Variants in ENOX1 observed in about 807,000 individuals in gnomAD.
ENOX1 encodes the protein ecto-NOX disulfide-thiol exchanger 1.
In ENOX1, 42 loss-of-function variants were observed where a neutral mutation model predicts 82.5. That is an observed-to-expected ratio of 0.51 (90% CI 0.40 to 0.66). ENOX1 has a LOEUF of 0.66. Ranked by LOEUF, ENOX1 falls within the 30% of genes least tolerant of loss-of-function variation. ENOX1 has a pLI of 0.00. For synonymous variants in ENOX1, 271 were observed against 282.2 expected, an observed-to-expected ratio of 0.96 and a Z score of 0.40; for missense variants, 608 against 811.6, an observed-to-expected ratio of 0.75 and a Z score of 3.05.
chr13:43,385,122 G>A (rs967188950), intron 5 of ENOX1, among the ~76,000 whole-genome samples: 3 of 152,106 alleles, frequency 2.0e-5, no homozygotes, highest in Non-Finnish European at 2.9e-5. Flanking sequence ...ATGCTTAAAT[G>A]AGTCCTTTTT....
chr13:43,394,867 GA>G (rs35693270), intron 5 of ENOX1: 150 of 145,334 alleles, frequency 1.0e-3, no homozygotes, highest in Middle Eastern at 3.5e-3. Flanking sequence ...ACCTTTACAG[GA>G]AAAAAAAAAA....
intron 5 of ENOX1, among the ~76,000 whole-genome samples, chr13:43,398,963 AT>A (rs992479906): frequency 2.2e-4 from 32 of 146,782 alleles, no homozygotes; most frequent in African/African-American, 7.3e-4. Flanking sequence ...GCCCCCACTA[AT>A]TTTTTTTTTC....
chr13:43,381,254 T>C (rs567212515), intron 5 of ENOX1, among the ~76,000 whole-genome samples: 6 of 151,554 alleles, frequency 4.0e-5, no homozygotes, highest in African/African-American at 1.5e-4. Flanking sequence ...ATGAAAAATA[T>C]CTAGAGAGTC....
At chr13:43,768,900 A>G (rs2153836875) in intron 1 of ENOX1, among the ~76,000 whole-genome samples, 1 of 152,248 alleles carries the variant, frequency 6.6e-6, no homozygotes, top group East Asian at 1.9e-4. Context: ...CTTATCATTT[A>G]CAATTATTAG....
At chr13:43,236,171 A>G (rs2042540310) in intron 15 of ENOX1, among the ~76,000 whole-genome samples, 2 of 152,112 alleles carry the variant, frequency 1.3e-5, no homozygotes, top group African/African-American at 4.8e-5. Flanking sequence ...TAGCATCAGT[A>G]CCCTGCATGG....
intron 1 of ENOX1, among the ~76,000 whole-genome samples, chr13:43,705,237 G>C (rs2087177136): frequency 1.3e-5 from 2 of 150,538 alleles, no homozygotes; most frequent in Admixed American, 6.6e-5. Context: ...AGTGAGCCAA[G>C]ATTGCACCAC....
intron 2 of ENOX1, among the ~76,000 whole-genome samples, chr13:43,612,413 A>G (rs1005709820): frequency 1.1e-4 from 16 of 152,188 alleles, no homozygotes; most frequent in Admixed American, 2.0e-4. Context: ...TAATTGAGAA[A>G]GATCAAAAAG....
At chr13:43,510,061 G>C (rs2077311036) in intron 2 of ENOX1, among the ~76,000 whole-genome samples, 1 of 151,990 alleles carries the variant, frequency 6.6e-6, no homozygotes. Flanking sequence ...CATATGTATA[G>C]ATCTAAGTAG....
chr13:43,615,838 C>T lies in ENOX1; in HGVS notation c.-219+51641G>A, dbSNP rs144068342. Among the ~76,000 whole-genome samples the T allele has an allele frequency of 6.5e-3, 982 of 151,690 alleles. 1 individual carries two copies. Among genetic ancestry groups the T allele is most frequent in the Non-Finnish European group, 0.011 (722 of 67,952 alleles). On this transcript the variant is annotated intron_variant, in intron 2 of 16. Coordinates refer to ENST00000690772, the MANE Select transcript of ENOX1 (RefSeq NM_001347969.2). ...ACTCCCACTTATGAGTGAGGACATG[C>T]GGTGTTCAGTTTTCTGTTCCTGTGT...
chr13:43,314,006 C>T (rs188980292), intron 11 of ENOX1, among the ~76,000 whole-genome samples: 1 of 152,176 alleles, frequency 6.6e-6, no homozygotes, highest in Non-Finnish European at 1.5e-5. Flanking sequence ...CCCTGCAATG[C>T]CCTGCCGGAA....
At chr13:43,484,640 T>C (rs1164283673) in intron 2 of ENOX1, among the ~76,000 whole-genome samples, 1 of 152,216 alleles carries the variant, frequency 6.6e-6, no homozygotes, top group Non-Finnish European at 1.5e-5. Context: ...GGCAGGTACT[T>C]TCCCTCATCT....
intron 2 of ENOX1, among the ~76,000 whole-genome samples, chr13:43,563,057 C>T (rs944529440): frequency 2.6e-5 from 4 of 152,076 alleles, no homozygotes; most frequent in African/African-American, 7.2e-5. Flanking sequence ...AATTCCAGAA[C>T]GTTTTGTCCA....
rs377362243 is a variant in ENOX1 at position 43,280,835 on chromosome 13, C to T, written c.1447-11258G>A. On this transcript the variant is annotated intron_variant, in intron 12 of 16. Transcript: ENST00000690772. ...GAGAGAAGAATAGCTCTGAACTTAG[C>T]ACATTTAATCTTTAGGTGGCTCTGG... 1.4e-4 allele frequency among the ~76,000 whole-genome samples: 22 copies of T among 152,298 alleles called. No homozygotes were observed. The East Asian group carries it at 4.0e-3, about 28-fold the overall frequency.
intron 2 of ENOX1, among the ~76,000 whole-genome samples, chr13:43,486,186 G>A (rs138784429): frequency 6.6e-6 from 1 of 152,214 alleles, no homozygotes; most frequent in East Asian, 1.9e-4. Flanking sequence ...TTCCAGCCTG[G>A]GTGACAGAGC....
intron 11 of ENOX1, among the ~76,000 whole-genome samples, chr13:43,302,351 C>T (rs2046628184): frequency 6.6e-6 from 1 of 152,068 alleles, no homozygotes. Context: ...AATTAATTCA[C>T]CAGCCACCCA....
At chr13:43,781,578 A>G (rs930840833) in intron 1 of ENOX1, among the ~76,000 whole-genome samples, 1 of 151,906 alleles carries the variant, frequency 6.6e-6, no homozygotes, top group African/African-American at 2.4e-5. Flanking sequence ...CAATGGCGCA[A>G]TCTTGGCTCA....
chr13:43,784,160 T>A (rs1188931729), intron 1 of ENOX1, among the ~76,000 whole-genome samples: 1 of 152,222 alleles, frequency 6.6e-6, no homozygotes, highest in Non-Finnish European at 1.5e-5. Context: ...ATACACTGAA[T>A]GTACCCTAAA....
intron 14 of ENOX1, among the ~76,000 whole-genome samples, chr13:43,248,934 C>T (rs1295157161): frequency 6.6e-6 from 1 of 152,040 alleles, no homozygotes; most frequent in East Asian, 1.9e-4. Flanking sequence ...ATATAGCCCC[C>T]AAGTAGAATA....
chr13:43,662,514 A>T (rs1244941235), intron 2 of ENOX1, among the ~76,000 whole-genome samples: 1 of 152,100 alleles, frequency 6.6e-6, no homozygotes, highest in Non-Finnish European at 1.5e-5. Context: ...TGATTTTCAA[A>T]CTGCATCTCT....
Sources: allele counts gnomAD v4.1 joint callset (sites outside exome capture counted in the v4.1 genomes callset), GRCh38; gene constraint gnomAD v4.1.1; transcripts MANE v1.5; gene names NCBI Gene and HGNC (gene_info 2026-07-23, HGNC 2026-07-21).